The following SBF1 variants were observed in gnomAD, a reference collection of about 807,000 sequenced individuals.
SBF1 encodes the protein SET binding factor 1.
SBF1 carries 65 observed loss-of-function variants against 215.8 expected under a neutral mutation model. That is an observed-to-expected ratio of 0.30 (90% CI 0.25 to 0.37). The LOEUF (loss-of-function observed/expected upper bound fraction) is 0.37, where lower values mean the gene tolerates loss of function less well. Among genes scored for constraint, SBF1 ranks in the 10% least tolerant of loss-of-function variants. The pLI, the probability that SBF1 is intolerant of heterozygous loss-of-function variation, is 1.00. For synonymous variants in SBF1, 1,410 were observed against 1,122.8 expected, an observed-to-expected ratio of 1.26 and a Z score of -5.11; for missense variants, 2,634 against 2,667.8, an observed-to-expected ratio of 0.99 and a Z score of 0.28.
intron 1 of SBF1, among the ~76,000 whole-genome samples, chr22:50,470,113 G>A (rs1209467560): frequency 6.6e-6 from 1 of 151,470 alleles, no homozygotes; most frequent in South Asian, 2.1e-4. Context: ...CGCAGGCCCT[G>A]AGCTGCGGCT....
At chr22:50,450,520 C>CA (rs1412631899) in intron 36 of SBF1, among the ~76,000 whole-genome samples, 2,144 of 111,474 alleles carry the variant, frequency 0.019, 32 homozygotes, top group African/African-American at 0.053. Context: ...GACTCTGCCT[C>CA]AAAAAAAAAA....
chr22:50,460,158 C>T lies in SBF1; in HGVS notation c.3285G>A (p.Val1095=), dbSNP rs1354685014. Residue 1095 remains valine, a splice_region_variant and synonymous_variant, in exon 26 of 41, where the codon GTG becomes GTA. Transcript: ENST00000380817. ...PPEDQEDEIS[V]SEELEPSTLT... ...GCGTGCTGGGCTCCAGCTCCTCCGA[C>T]ACTGCACAGGCCGGGCACACGTGGT... 6.2e-7 allele frequency: 1 copy of T among 1,611,156 alleles called. No individual in the cohort carries two copies. The highest frequency in any genetic ancestry group is 1.3e-5 in the African/African-American group (1 of 75,026).
rs368077071 is a variant in SBF1, at chr22:50,460,305, G to T, written c.3250C>A (p.Pro1084Thr). Residue 1084 changes from proline to threonine, a missense_variant, in exon 25 of 41, where the codon CCG becomes ACG. By Grantham distance (38) the Pro-to-Thr change is conservative. Coordinates refer to ENST00000380817, the MANE Select transcript of SBF1 (RefSeq NM_002972.4). ...NPPSWEHRGQ[P>T]PPEDQEDEIS... ...TCGTCCTCCTGGTCCTCAGGGGGCG[G>T]CTGGCCCCGGTGCTCCCAGCTGGGG... The T allele has an allele frequency of 1.8e-4, 290 of 1,610,690 alleles. No individual in the cohort carries two copies. The highest frequency in any genetic ancestry group is 8.3e-4 in the Middle Eastern group (5 of 6,050).
At chr22:50,466,844 G>A (rs1321201202) in intron 5 of SBF1, 134 bp from the exon 6 acceptor site, 1 of 631,244 alleles carries the variant, frequency 1.6e-6, no homozygotes, top group Non-Finnish European at 2.8e-6. Flanking sequence ...TGGGCAACAT[G>A]GCAAGAGGGA....
intron 16 of SBF1, 41 bp from the exon 17 acceptor site, chr22:50,462,979 C>T: frequency 1.9e-6 from 3 of 1,568,422 alleles, no homozygotes; most frequent in South Asian, 1.2e-5. Context: ...TCTCCCCTCC[C>T]AGGCAGCACT....
chr22:50,458,815 G>A (rs767600899), intron 28 of SBF1, among the ~76,000 whole-genome samples: 11 of 152,192 alleles, frequency 7.2e-5, no homozygotes, highest in Non-Finnish European at 1.6e-4. Flanking sequence ...CCAGGCCAGA[G>A]GCTCCAAAGA....
Position 50,448,537 on chromosome 22 carries a change from A to C in SBF1, c.5151+6T>G. 1 of 1,611,568 alleles carries C rather than the reference A, an allele frequency of 6.2e-7. No homozygotes were observed. The highest frequency in any genetic ancestry group is 8.5e-7 in the Non-Finnish European group (1 of 1,179,072). On this transcript the variant is annotated splice_donor_region_variant and intron_variant, in intron 37 of 40. Coordinates refer to ENST00000380817, the MANE Select transcript of SBF1 (RefSeq NM_002972.4). The stretch of plus-strand genomic sequence containing the variant: ...ACCGTGGACGCTCACACTGGCCCTC[A>C]CTCACACGGCCGTCTGGCCGGCCCT...
intron 1 of SBF1, among the ~76,000 whole-genome samples, chr22:50,469,762 A>G (rs1275675365): frequency 6.7e-6 from 1 of 149,396 alleles, no homozygotes; most frequent in Non-Finnish European, 1.5e-5. Flanking sequence ...GGCCCCCAAG[A>G]AGCTGCAGCC....
chr22:50,462,013 C>A lies in SBF1; in HGVS notation c.2503G>T (p.Asp835Tyr), dbSNP rs1293562267. 1 of 1,614,222 alleles carries A rather than the reference C, an allele frequency of 6.2e-7. No homozygotes were observed. The highest frequency in any genetic ancestry group is 8.5e-7 in the Non-Finnish European group (1 of 1,180,046). Residue 835 changes from aspartate to tyrosine, a missense_variant, in exon 20 of 41, where the codon GAC becomes TAC. Physicochemically the swap from Asp to Tyr is radical, Grantham distance 160 (BLOSUM62 -3). Coordinates refer to ENST00000380817, the MANE Select transcript of SBF1 (RefSeq NM_002972.4). ...ACCCCACTCTCCGTGCAGACCTTGT[C>A]CACAAAGCGGTTGATGAAGCGGACC... is the stretch of plus-strand genomic sequence containing the variant. The part of the protein sequence containing the change: ...AVVRFINRFV[D>Y]KVCTESGVTS...
chr22:50,457,306 G>A, intron 28 of SBF1, 195 bp from the exon 29 acceptor site: 1 of 471,010 alleles, frequency 2.1e-6, no homozygotes. Context: ...GGGCAGGGCA[G>A]GCCGCAGAGC....
intron 1 of SBF1, among the ~76,000 whole-genome samples, chr22:50,473,897 G>A (rs1360909356): frequency 6.6e-6 from 1 of 152,214 alleles, no homozygotes. Context: ...CTCTACAGAT[G>A]GGGGCAACAC....
At chr22:50,473,625 G>C (rs149570642) in intron 1 of SBF1, among the ~76,000 whole-genome samples, 10 of 152,288 alleles carry the variant, frequency 6.6e-5, no homozygotes, top group African/African-American at 2.4e-4. Flanking sequence ...AGGAAGTGTA[G>C]GGGGGTGTCC....
At chr22:50,447,710 A>C in intron 38 of SBF1, 101 bp from the exon 39 acceptor site, 1 of 833,346 alleles carries the variant, frequency 1.2e-6, no homozygotes, top group Non-Finnish European at 1.9e-6. Flanking sequence ...CCAGGAGGTA[A>C]GACCAGGCAC....
chr22:50,447,166 G>A lies in SBF1; in HGVS notation c.5658C>T (p.Ile1886=), dbSNP rs758366452. ...CTCAGGCGTCCGACAGGCAGCTCTG[G>A]ATCCGGTCCACCCACTGCTGGGCCG... ...VPSAQQWVDR[I]QSCLSDA is the part of the protein sequence containing the mutation. Residue 1886 remains isoleucine, a synonymous_variant, in exon 41 of 41, where the codon ATC becomes ATT. Coordinates refer to ENST00000380817, the MANE Select transcript of SBF1 (RefSeq NM_002972.4). 6.2e-7 allele frequency: 1 copy of A among 1,613,020 alleles called. No homozygotes were observed.
intron 19 of SBF1, 37 bp from the exon 20 acceptor site, chr22:50,462,156 C>T (rs2067542875): frequency 6.2e-7 from 1 of 1,608,476 alleles, no homozygotes; most frequent in Non-Finnish European, 8.5e-7. Context: ...TGGGCCCTGC[C>T]CACCACGGCC....
rs1381325777 is a variant in SBF1, at chr22:50,460,100, G to A, written c.3343C>T (p.Arg1115Cys). 1.4e-5 allele frequency: 22 copies of A among 1,613,520 alleles called. No individual in the cohort carries two copies. Among genetic ancestry groups the A allele is most frequent in the African/African-American group, 4.0e-5 (3 of 74,944 alleles). Residue 1115 changes from arginine (R) to cysteine (C), a missense_variant, in exon 26 of 41, where the codon CGC (arginine) becomes TGC (cysteine). Arg to Cys is a radical substitution (Grantham distance 180). Transcript: ENST00000380817. Reference protein sequence around the residue: ...TPSSALKPSDRMTMSSLVERA... With the variant: ...TPSSALKPSDCMTMSSLVERA... ...TCCACCAGGCTGCTCATGGTCATGC[G>A]GTCGGAGGGCTTCAGGGCTGAGGAC...
intron 4 of SBF1, 42 bp from the exon 5 acceptor site, chr22:50,467,490 A>G (rs1184101249): frequency 1.2e-6 from 2 of 1,613,848 alleles, no homozygotes; most frequent in African/African-American, 1.3e-5. Context: ...AGCCGATGGA[A>G]GCACCCTCGT....
At position 50,462,303 on chromosome 22, in the gene SBF1, G is replaced by A. The variant is rs757135092; in HGVS notation, c.2298C>T (p.Tyr766=). 5 of 1,613,812 alleles carry A rather than the reference G, an allele frequency of 3.1e-6. No individual in the cohort carries two copies. In the East Asian group the frequency reaches 8.9e-5, roughly 29 times the overall value. ...TGCTGCTGTCCAGGGGCAGGAGGAG[G>A]TAGCTCATGCGGTTGGCATAGTGGA... The part of the protein sequence containing the change: ...QAIHYANRMS[Y]LLLPLDSSKS... Residue 766 remains tyrosine, a synonymous_variant, in exon 19 of 41, where the codon TAC becomes TAT. Coordinates refer to ENST00000380817, the MANE Select transcript of SBF1 (RefSeq NM_002972.4).
In SBF1 at chr22:50,461,527, G is replaced by A; in HGVS notation, c.2835C>T (p.Pro945=). 3 of 1,596,732 alleles carry A rather than the reference G, an allele frequency of 1.9e-6. No homozygotes were observed. Among genetic ancestry groups the A allele is most frequent in the East Asian group, 2.3e-5 (1 of 44,430 alleles). ...CCAGAGAGTCTGCAGGCTCACCCAG[G>A]GGGTCCGTGGGCATCCCCGTGAAGA... ...RVIFTGMPTD[P]LVGEQVVVRS... is the part of the protein sequence containing the mutation. The change falls in exon 22 of 41, where the codon CCC becomes CCT. Residue 945 remains proline (P), a synonymous_variant. Transcript: ENST00000380817.
Sources: gnomAD v4.1 joint callset for allele counts (sites outside exome capture counted in the v4.1 genomes callset) on GRCh38, gnomAD v4.1.1 for gene constraint, MANE v1.5 for transcripts, NCBI Gene and HGNC (gene_info 2026-07-23, HGNC 2026-07-21) for gene names.